Variants in NIBAN1 observed in about 807,000 individuals in gnomAD.
NIBAN1 encodes the protein niban apoptosis regulator 1, also known as protein Niban 1.
NIBAN1 carries 81 observed loss-of-function variants against 75.1 expected under a neutral mutation model. The observed-to-expected ratio is 1.08, with a 90% CI of 0.90 to 1.30. The LOEUF (loss-of-function observed/expected upper bound fraction) is 1.30. Among genes scored for constraint, NIBAN1 ranks in the 50% most tolerant of loss-of-function variants. The probability of loss-of-function intolerance (pLI) is 0.00; values close to 1 mark genes in which losing one functional copy is unlikely to be tolerated. For synonymous variants in NIBAN1, 436 were observed against 424.8 expected, an observed-to-expected ratio of 1.03 and a Z score of -0.32; for missense variants, 1,133 against 1,128.1, an observed-to-expected ratio of 1.00 and a Z score of -0.06.
intron 13 of NIBAN1, among the ~76,000 whole-genome samples, chr1:184,796,325 G>C (rs1003822048): frequency 1.3e-5 from 2 of 152,106 alleles, no homozygotes; most frequent in African/African-American, 4.8e-5. Context: ...ATTTAACATG[G>C]GACAGGCCCT....
chr1:184,954,045 A>G (rs1658423686), intron 1 of NIBAN1, among the ~76,000 whole-genome samples: 1 of 152,242 alleles, frequency 6.6e-6, no homozygotes, highest in Non-Finnish European at 1.5e-5. Flanking sequence ...TATTGGTACT[A>G]CATTGTTTAA....
At chr1:184,895,086 GA>G (rs907521770) in intron 2 of NIBAN1, among the ~76,000 whole-genome samples, 6 of 151,522 alleles carry the variant, frequency 4.0e-5, no homozygotes, top group African/African-American at 1.5e-4. Flanking sequence ...GAGCTATACA[GA>G]AAAAAAATAG....
At chr1:184,828,762 A>C (rs1275696431) in intron 6 of NIBAN1, among the ~76,000 whole-genome samples, 1 of 152,018 alleles carries the variant, frequency 6.6e-6, no homozygotes, top group Non-Finnish European at 1.5e-5. Context: ...ACATTTTATT[A>C]GTCTGTTATT....
intron 9 of NIBAN1, among the ~76,000 whole-genome samples, chr1:184,818,215 C>G (rs1038700441): frequency 1.3e-5 from 2 of 152,012 alleles, no homozygotes; most frequent in East Asian, 1.9e-4. Context: ...AGGATATATA[C>G]TTGTATGAAT....
intron 3 of NIBAN1, among the ~76,000 whole-genome samples, chr1:184,893,457 C>A (rs933474706): frequency 6.6e-6 from 1 of 152,074 alleles, no homozygotes; most frequent in African/African-American, 2.4e-5. Context: ...CATTATCTCA[C>A]TTTCTCCACA....
chr1:184,968,867 A>T (rs1309853793), intron 1 of NIBAN1, among the ~76,000 whole-genome samples: 1 of 152,172 alleles, frequency 6.6e-6, no homozygotes. Flanking sequence ...GTTCTTCTCT[A>T]TGAAACCACA....
chr1:184,816,264 T>G (rs1654531460), intron 9 of NIBAN1, among the ~76,000 whole-genome samples: 1 of 152,182 alleles, frequency 6.6e-6, no homozygotes, highest in African/African-American at 2.4e-5. Flanking sequence ...CTGTATTCTC[T>G]CAAAGGTTTT....
At chr1:184,881,769 T>C (rs987619936) in intron 5 of NIBAN1, among the ~76,000 whole-genome samples, 1 of 152,162 alleles carries the variant, frequency 6.6e-6, no homozygotes, top group African/African-American at 2.4e-5. Context: ...TAAACTGTCA[T>C]GGCACTGGTG....
intron 5 of NIBAN1, among the ~76,000 whole-genome samples, chr1:184,836,706 T>C (rs1049527985): frequency 6.6e-6 from 1 of 152,204 alleles, no homozygotes; most frequent in South Asian, 2.1e-4. Flanking sequence ...AGAGAAATTA[T>C]AGTCATCCAA....
chr1:184,857,777 G>A (rs1655716810), intron 5 of NIBAN1, among the ~76,000 whole-genome samples: 5 of 151,726 alleles, frequency 3.3e-5, no homozygotes, highest in Admixed American at 3.3e-4. Context: ...TTAATATATG[G>A]CAAAAATTGT....
At chr1:184,931,736 A>G (rs1448875251) in intron 1 of NIBAN1, among the ~76,000 whole-genome samples, 2 of 152,254 alleles carry the variant, frequency 1.3e-5, no homozygotes, top group Non-Finnish European at 2.9e-5. Context: ...CCATACAAGA[A>G]GGCAGGCAAA....
At chr1:184,908,370 C>T (rs1422243533) in intron 1 of NIBAN1, among the ~76,000 whole-genome samples, 1 of 152,164 alleles carries the variant, frequency 6.6e-6, no homozygotes, top group African/African-American at 2.4e-5. Flanking sequence ...CCCATTGGCA[C>T]TGTGCATTTT....
chr1:184,852,240 G>T (rs1314895599), intron 5 of NIBAN1, among the ~76,000 whole-genome samples: 2 of 152,186 alleles, frequency 1.3e-5, no homozygotes, highest in Admixed American at 6.5e-5. Context: ...TGCTTTTCAG[G>T]AATGGAGGGA....
At chr1:184,827,978 C>G (rs1654891850) in intron 6 of NIBAN1, among the ~76,000 whole-genome samples, 1 of 138,186 alleles carries the variant, frequency 7.2e-6, no homozygotes, top group Admixed American at 7.4e-5. Context: ...TTTTTTTTTC[C>G]GTCTTGAAAC....
intron 5 of NIBAN1, among the ~76,000 whole-genome samples, chr1:184,866,083 A>T (rs1290410989): frequency 6.6e-6 from 1 of 152,040 alleles, no homozygotes; most frequent in Non-Finnish European, 1.5e-5. Context: ...TGCTTACTAC[A>T]CCCCTACACT....
chr1:184,944,196 T>C (rs754244664), intron 1 of NIBAN1, among the ~76,000 whole-genome samples: 45 of 152,174 alleles, frequency 3.0e-4, no homozygotes, highest in Non-Finnish European at 4.0e-4. Flanking sequence ...AGTGAAAGGC[T>C]CTGTGCAGAT....
chr1:184,814,846 T>C (rs1446454057), intron 9 of NIBAN1, among the ~76,000 whole-genome samples: 9 of 152,214 alleles, frequency 5.9e-5, no homozygotes, highest in Non-Finnish European at 1.3e-4. Flanking sequence ...GAGAAACAAC[T>C]GGTATTCAAG....
chr1:184,909,730 G>T (rs1402275671), intron 1 of NIBAN1, among the ~76,000 whole-genome samples: 1 of 152,098 alleles, frequency 6.6e-6, no homozygotes, highest in Non-Finnish European at 1.5e-5. Flanking sequence ...ACATGATTTG[G>T]TCAAGCACTA....
At chr1:184,866,264 G>A (rs1408506844) in intron 5 of NIBAN1, among the ~76,000 whole-genome samples, 1 of 152,178 alleles carries the variant, frequency 6.6e-6, no homozygotes, top group African/African-American at 2.4e-5. Flanking sequence ...TGGACAGATA[G>A]AAGAAAATTG....
Sources: allele counts gnomAD v4.1 joint callset (sites outside exome capture counted in the v4.1 genomes callset), GRCh38; gene constraint gnomAD v4.1.1; transcripts MANE v1.5; gene names NCBI Gene and HGNC (gene_info 2026-07-23, HGNC 2026-07-21).